PCDHGA4: variants seen among roughly 807,000 people sequenced by gnomAD.
The protein encoded by PCDHGA4 is protocadherin gamma subfamily A, 4, also known as protocadherin gamma-A4.
Under a neutral mutation model 54.6 loss-of-function variants are expected in PCDHGA4, and 38 were observed. That is an observed-to-expected ratio of 0.70 (90% CI 0.54 to 0.91). The LOEUF is 0.91. PCDHGA4 is among the 40% of genes least tolerant of loss of function. The probability of loss-of-function intolerance (pLI) is 0.00; values close to 1 mark genes in which losing one functional copy is unlikely to be tolerated. For missense variants in PCDHGA4, 1,298 were observed against 1,220.9 expected, an observed-to-expected ratio of 1.06 and a Z score of -0.94; for synonymous variants, 511 against 512.9, an observed-to-expected ratio of 1.00 and a Z score of 0.05.
chr5:141,403,069 A>G (rs747569947), intron 1 of PCDHGA4: 3 of 1,613,954 alleles, frequency 1.9e-6, no homozygotes, highest in African/African-American at 2.7e-5. Flanking sequence ...CTGAAGAGAC[A>G]GAAAAGGGCT....
rs1456184444 is a variant in PCDHGA4, at chr5:141,512,578, C to T, written c.*1405C>T. On this transcript the variant is annotated 3_prime_UTR_variant, in exon 4 of 4. Coordinates refer to ENST00000571252, the MANE Select transcript of PCDHGA4 (RefSeq NM_018917.4). ...ATAGACCTTCTTCTCCCACCCCCTT[C>T]TGCCCCTGGGTCCCCGGCCATCCAG... is the stretch of plus-strand genomic sequence containing the variant. 1 of 152,944 alleles carries T rather than the reference C, an allele frequency of 6.5e-6. No homozygotes were observed. The highest frequency in any genetic ancestry group is 1.5e-5 in the Non-Finnish European group (1 of 68,542). 9.5% of individuals were successfully genotyped at this position (152,944 alleles called of 1,614,324 possible). A position where few individuals can be genotyped will look rare whatever the true frequency, so the allele number is the denominator to read the frequency against.
intron 1 of PCDHGA4, chr5:141,391,260 A>G (rs2092328802): frequency 1.3e-5 from 2 of 152,128 alleles, no homozygotes; most frequent in African/African-American, 4.8e-5. Flanking sequence ...TGCTTCAGTT[A>G]ATGGCCACTT....
At chr5:141,494,564 G>A (rs2099755274) in intron 1 of PCDHGA4, among the ~76,000 whole-genome samples, 1 of 152,138 alleles carries the variant, frequency 6.6e-6, no homozygotes, top group Non-Finnish European at 1.5e-5. Context: ...TTTAGGAAAG[G>A]AGTCTCAGCT....
At chr5:141,360,004 C>T in intron 1 of PCDHGA4, 1 of 1,185,444 alleles carries the variant, frequency 8.4e-7, no homozygotes, top group South Asian at 1.9e-5. Context: ...CTGCACAAAC[C>T]AACCACACAG....
intron 1 of PCDHGA4, chr5:141,371,564 C>T (rs1767846992): frequency 6.2e-7 from 1 of 1,613,818 alleles, no homozygotes; most frequent in Non-Finnish European, 8.5e-7. Context: ...AAGGAAACTT[C>T]CCCTTTAAAA....
At position 141,355,098 on chromosome 5, in the gene PCDHGA4, C is replaced by G. The variant is rs1561507721; in HGVS notation, c.-10C>G. The G allele has an allele frequency of 6.7e-7, 1 of 1,495,944 alleles. No homozygotes were observed. The highest frequency in any genetic ancestry group is 2.3e-5 in the East Asian group (1 of 43,574). 92.7% of individuals were successfully genotyped at this position (1,495,944 alleles called of 1,614,324 possible). On this transcript the variant is annotated 5_prime_UTR_variant, in exon 1 of 4. Transcript: ENST00000571252. ...GCTTCAAGCGGAAGCCCTGAGAGCT[C>G]TGGCTGTGAATGCACTTTATTTTGG... is the stretch of plus-strand genomic sequence containing the variant.
At position 141,477,879 on chromosome 5, in the gene PCDHGA4, A is replaced by T. The variant is rs932363258; in HGVS notation, c.2515-16928A>T. The T allele has an allele frequency of 3.4e-5, 55 of 1,614,060 alleles. No homozygotes were observed. The highest frequency in any genetic ancestry group is 4.6e-5 in the Non-Finnish European group (54 of 1,180,034). ...CTGCCTCGAGGTACCTCAGCTGGCCACCTAGTGTCACGGGTGGTAGGCTGG... is the reference window on the plus strand; with the variant it reads ...CTGCCTCGAGGTACCTCAGCTGGCCTCCTAGTGTCACGGGTGGTAGGCTGG... On this transcript the variant is annotated intron_variant, in intron 1 of 3. Coordinates refer to ENST00000571252, the MANE Select transcript of PCDHGA4 (RefSeq NM_018917.4). This position sits in a 1 kb window ranked among gnomAD's most constrained non-coding sequence, Gnocchi z 4.9.
chr5:141,404,165 T>G, intron 1 of PCDHGA4: 1 of 1,613,246 alleles, frequency 6.2e-7, no homozygotes, highest in Non-Finnish European at 8.5e-7. Flanking sequence ...TTACAGATTG[T>G]TGACGGCCCA....
At chr5:141,361,631 G>T (rs534427524) in intron 1 of PCDHGA4, 1 of 1,613,902 alleles carries the variant, frequency 6.2e-7, no homozygotes, top group Non-Finnish European at 8.5e-7. Context: ...CTGAAGCCGC[G>T]GGAGATTTTA....
chr5:141,387,559 A>G, intron 1 of PCDHGA4: 1 of 421,914 alleles, frequency 2.4e-6, no homozygotes, highest in South Asian at 5.1e-5. Flanking sequence ...TCAGTTAGGC[A>G]CACAATTATA....
chr5:141,390,523 G>T, intron 1 of PCDHGA4: 1 of 556,304 alleles, frequency 1.8e-6, no homozygotes, highest in South Asian at 2.2e-5. Context: ...AGCAATGAGG[G>T]TGTGGTTTTA....
chr5:141,368,012 T>C (rs1301562712), intron 1 of PCDHGA4, among the ~76,000 whole-genome samples: 2 of 152,238 alleles, frequency 1.3e-5, no homozygotes, highest in Admixed American at 1.3e-4. Flanking sequence ...AATACTGGCC[T>C]ATGTGCCTCA....
At position 141,430,830 on chromosome 5, in the gene PCDHGA4, G is replaced by A. The variant is rs754181300; in HGVS notation, c.2515-63977G>A. The stretch of plus-strand genomic sequence containing the variant: ...CTGGGAATCCTCCTGGGGACTCTGT[G>A]GGAGACCGGATGCACCCAGATACGC... On this transcript the variant is annotated intron_variant, in intron 1 of 3. Coordinates refer to ENST00000571252, the MANE Select transcript of PCDHGA4 (RefSeq NM_018917.4). 8 of 1,554,850 alleles carry A rather than the reference G, an allele frequency of 5.1e-6. No homozygotes were observed. The East Asian group carries it at 1.6e-4, about 31-fold the overall frequency.
In PCDHGA4 at chr5:141,355,810, G is replaced by A. The variant is rs756091940; in HGVS notation, c.703G>A (p.Glu235Lys). 2 of 1,613,274 alleles carry A rather than the reference G, an allele frequency of 1.2e-6. No individual in the cohort carries two copies. Among genetic ancestry groups the A allele is most frequent in the East Asian group, 2.2e-5 (1 of 44,858 alleles). Residue 235 changes from glutamate to lysine, a missense_variant, in exon 1 of 4, where the codon GAA (glutamate) becomes AAA (lysine). Glu to Lys is a moderately conservative substitution (Grantham distance 56, BLOSUM62 1). Coordinates refer to ENST00000571252, the MANE Select transcript of PCDHGA4 (RefSeq NM_018917.4). ...LVLERALDREEEAVHHLVLTA... is the reference protein window; with the variant it reads ...LVLERALDREKEAVHHLVLTA... ...GCTGGAACGCGCTCTAGATCGCGAG[G>A]AAGAGGCGGTTCACCACCTCGTTCT...
chr5:141,357,600 A>G lies in PCDHGA4; in HGVS notation c.2493A>G (p.Thr831=), dbSNP rs1397548733. The G allele has an allele frequency of 6.2e-7, 1 of 1,613,990 alleles. No homozygotes were observed. Among genetic ancestry groups the G allele is most frequent in the African/African-American group, 1.3e-5 (1 of 74,954 alleles). ...TGATAACTCAGGATTTACTTGAAACAAAAGGAGACCCTAATCTTCAGGTGA... is the reference window on the plus strand; with the variant it reads ...TGATAACTCAGGATTTACTTGAAACGAAAGGAGACCCTAATCTTCAGGTGA... The part of the protein sequence containing the change: ...PLLITQDLLE[T]KGDPNLQQAP... The change falls in exon 1 of 4, where the codon ACA becomes ACG. Residue 831 remains threonine, a synonymous_variant. Transcript: ENST00000571252.
At chr5:141,421,717 G>T in intron 1 of PCDHGA4, 2 of 1,613,932 alleles carry the variant, frequency 1.2e-6, no homozygotes, top group East Asian at 4.5e-5. Context: ...TCCAGATGTG[G>T]GCGTGAACTC....
rs373591066 is a variant in PCDHGA4, at chr5:141,404,487, G to T, written c.2514+46866G>T. 8 of 1,613,840 alleles carry T rather than the reference G, an allele frequency of 5.0e-6. No homozygotes were observed. In the East Asian group the frequency reaches 1.8e-4, roughly 36 times the overall value. The stretch of plus-strand genomic sequence containing the variant: ...TATGTCTCTATTAACTCAGACACTG[G>T]TGTGCTGTATGCTCTGTGCTCCTTT... On this transcript the variant is annotated intron_variant, in intron 1 of 3. Transcript: ENST00000571252.
rs747671382 is a variant in PCDHGA4 at position 141,444,152 on chromosome 5, A to ATTTTTTTTTT, written c.2515-50628_2515-50619dup. 1.8e-4 allele frequency among the ~76,000 whole-genome samples: 6 copies of ATTTTTTTTTT among 33,898 alleles called. 2 individuals are homozygous for ATTTTTTTTTT. Among genetic ancestry groups the ATTTTTTTTTT allele is most frequent in the Non-Finnish European group, 3.1e-4 (6 of 19,312 alleles). The allele number at this position is 33,898 out of a possible 152,430, so 22.2% of individuals were successfully genotyped here. A position where few individuals can be genotyped will look rare whatever the true frequency, so the allele number is the denominator to read the frequency against. On this transcript the variant is annotated intron_variant, in intron 1 of 3. Coordinates refer to ENST00000571252, the MANE Select transcript of PCDHGA4 (RefSeq NM_018917.4). ...GATATGTGTCACTTGTGTGTACTGG[A>ATTTTTTTTTT]TTTTTTTTTTTTTTTTTTTTTTTTT...
At chr5:141,395,543 TGTGTGTG>T in intron 1 of PCDHGA4, 1 of 8,204 alleles carries the variant, frequency 1.2e-4, no homozygotes, top group Non-Finnish European at 2.0e-4. Context: ...TGCTATTGTT[TGTGTGTG>T]TGTGTGTGTG....
Sources: allele counts gnomAD v4.1 joint callset (sites outside exome capture counted in the v4.1 genomes callset), GRCh38; gene constraint gnomAD v4.1.1; non-coding constraint Gnocchi (gnomAD v3.1); transcripts MANE v1.5; gene names NCBI Gene and HGNC (gene_info 2026-07-23, HGNC 2026-07-21).